The following DRC8 variants were observed in gnomAD, a reference collection of about 807,000 sequenced individuals.
DRC8 encodes the protein dynein regulatory complex protein 8.
the DRC8 span, among the ~76,000 whole-genome samples, chr1:245,063,761 G>A: frequency 5.9e-5 from 9 of 152,140 alleles, no homozygotes; most frequent in South Asian, 4.1e-4. Flanking sequence ...TGACTCTGTC[G>A]CCCGGGCTGG....
the DRC8 span, among the ~76,000 whole-genome samples, chr1:245,063,217 G>C: frequency 6.6e-6 from 1 of 152,080 alleles, no homozygotes; most frequent in Non-Finnish European, 1.5e-5. Flanking sequence ...CTTCACTCAG[G>C]GTTTGGTGTC....
chr1:245,083,238 AT>A, the DRC8 span, among the ~76,000 whole-genome samples: 1 of 152,236 alleles, frequency 6.6e-6, no homozygotes, highest in South Asian at 2.1e-4. Context: ...TCTAAGTTGC[AT>A]GCTCCTTATG....
the DRC8 span, among the ~76,000 whole-genome samples, chr1:245,044,934 A>G: frequency 6.6e-6 from 1 of 150,756 alleles, no homozygotes; most frequent in Non-Finnish European, 1.5e-5. Flanking sequence ...TTTTGAAAAG[A>G]TAACTTCAAT....
the DRC8 span, among the ~76,000 whole-genome samples, chr1:245,082,662 A>T: frequency 1.3e-5 from 2 of 152,080 alleles, no homozygotes; most frequent in Non-Finnish European, 2.9e-5. Context: ...TGAGGCAAGT[A>T]TTATCATCCC....
At chr1:245,095,005 G>A in the DRC8 span, among the ~76,000 whole-genome samples, 1 of 152,210 alleles carries the variant, frequency 6.6e-6, no homozygotes. Context: ...AAGGCACCTG[G>A]GCTGAGGAAA....
the DRC8 span, among the ~76,000 whole-genome samples, chr1:245,121,582 C>T: frequency 1.3e-5 from 2 of 152,304 alleles, no homozygotes; most frequent in East Asian, 3.9e-4. Flanking sequence ...CAGCCAAGTC[C>T]CTGTTGGAAC....
chr1:245,056,797 C>T, the DRC8 span, among the ~76,000 whole-genome samples: 6 of 151,846 alleles, frequency 4.0e-5, no homozygotes, highest in South Asian at 4.2e-4. Flanking sequence ...ATTAGCTGGG[C>T]GTGGCGGCCC....
chr1:245,009,028 CTT>C, the DRC8 span, among the ~76,000 whole-genome samples: 48 of 64,404 alleles, frequency 7.5e-4, no homozygotes, highest in East Asian at 1.5e-3. Context: ...TTATGCTTTT[CTT>C]TTTTTTTTTT....
At chr1:245,040,677 C>T in the DRC8 span, among the ~76,000 whole-genome samples, 2 of 152,322 alleles carry the variant, frequency 1.3e-5, no homozygotes, top group Admixed American at 6.5e-5. Flanking sequence ...CACGGTGGCT[C>T]ATGCCTGTAA....
At chr1:245,033,238 A>G in the DRC8 span, among the ~76,000 whole-genome samples, 1 of 152,200 alleles carries the variant, frequency 6.6e-6, no homozygotes, top group South Asian at 2.1e-4. Flanking sequence ...AGGTCTCCAC[A>G]GGTGCCGGTG....
the DRC8 span, among the ~76,000 whole-genome samples, chr1:245,025,619 C>T: frequency 6.6e-6 from 1 of 152,214 alleles, no homozygotes; most frequent in South Asian, 2.1e-4. Context: ...TGTCCTGTTC[C>T]TATGCTTCAA....
At chr1:245,063,562 G>C in the DRC8 span, among the ~76,000 whole-genome samples, 1 of 152,162 alleles carries the variant, frequency 6.6e-6, no homozygotes, top group Non-Finnish European at 1.5e-5. Context: ...GATGGCCTTG[G>C]CTCAAATATG....
At chr1:245,123,310 T>C in the DRC8 span, 1 of 152,316 alleles carries the variant, frequency 6.6e-6, no homozygotes, top group Non-Finnish European at 1.5e-5. This position sits in a 1 kb window ranked among gnomAD's most constrained non-coding sequence, Gnocchi z 5.0. Context: ...AACTGCTCTT[T>C]GGACACAGCA....
the DRC8 span, among the ~76,000 whole-genome samples, chr1:245,006,393 C>T: frequency 1.3e-5 from 2 of 152,132 alleles, no homozygotes; most frequent in Non-Finnish European, 2.9e-5. Flanking sequence ...CTTACTGCAA[C>T]CTCCACCTCC....
At chr1:245,083,861 A>G in the DRC8 span, 1 of 870,224 alleles carries the variant, frequency 1.1e-6, no homozygotes, top group Non-Finnish European at 1.7e-6. Context: ...GGTTAAGAGG[A>G]CAAAGAGTAG....
At chr1:245,039,532 C>A in the DRC8 span, among the ~76,000 whole-genome samples, 1 of 151,054 alleles carries the variant, frequency 6.6e-6, no homozygotes, top group Non-Finnish European at 1.5e-5. Context: ...TACATAACTA[C>A]ACTACAATGA....
the DRC8 span, chr1:245,017,461 C>A: frequency 1.1e-6 from 1 of 911,630 alleles, no homozygotes; most frequent in Non-Finnish European, 1.6e-6. Flanking sequence ...TTCCATGCTC[C>A]GTAAAAGGTC....
At chr1:244,989,628 G>A in the DRC8 span, among the ~76,000 whole-genome samples, 1 of 152,094 alleles carries the variant, frequency 6.6e-6, no homozygotes, top group Non-Finnish European at 1.5e-5. Context: ...TGTTTGTCTG[G>A]TTTCTCCACT....
chr1:245,092,816 G>A, the DRC8 span, among the ~76,000 whole-genome samples: 503 of 152,204 alleles, frequency 3.3e-3, 2 homozygotes, highest in Non-Finnish European at 6.0e-3. Context: ...GAGCTTCCCC[G>A]GAGGTCGAGG....
Sources: gnomAD v4.1 joint callset for allele counts (sites outside exome capture counted in the v4.1 genomes callset) on GRCh38, gnomAD v4.1.1 for gene constraint, Gnocchi (gnomAD v3.1) non-coding constraint, MANE v1.5 for transcripts, NCBI Gene and HGNC (gene_info 2026-07-23, HGNC 2026-07-21) for gene names.